TLN2: variants seen among roughly 807,000 people sequenced by gnomAD.
TLN2 encodes the protein talin-2.
TLN2 carries 118 observed loss-of-function variants against 294.7 expected under a neutral mutation model. The observed-to-expected ratio is 0.40, with a 90% CI of 0.34 to 0.47. The LOEUF (loss-of-function observed/expected upper bound fraction) is 0.47, where lower values mean the gene tolerates loss of function less well. Ranked by LOEUF, TLN2 falls within the 20% of genes least tolerant of loss-of-function variation. The pLI, the probability that TLN2 is intolerant of heterozygous loss-of-function variation, is 0.84. For synonymous variants in TLN2, 1,431 were observed against 1,304.5 expected (o/e 1.10, Z -2.09); for missense variants, 3,083 against 3,282.2 (o/e 0.94, Z 1.48).
At chr15:62,521,671 T>A (rs1268534767) in intron 1 of TLN2, among the ~76,000 whole-genome samples, 4 of 152,094 alleles carry the variant, frequency 2.6e-5, no homozygotes, top group African/African-American at 9.7e-5. Context: ...ATGGTAAAGA[T>A]CTCTTTTCTG....
At position 62,717,677 on chromosome 15, in the gene TLN2, C is replaced by A; in HGVS notation, c.2865C>A (p.Val955=). The change falls in exon 24 of 59, where the codon GTC becomes GTA. Residue 955 remains valine (V), a synonymous_variant. Transcript: ENST00000636159. ...NKNPAAQQQL[V]QSCKAVADHI... Reference sequence around the variant, plus strand: ...ACCCTGCGGCCCAGCAGCAGCTGGTCCAGAGTTGCAAGGTGAGGTTCCAGT... The same window carrying A: ...ACCCTGCGGCCCAGCAGCAGCTGGTACAGAGTTGCAAGGTGAGGTTCCAGT... 1.9e-6 allele frequency: 3 copies of A among 1,588,050 alleles called. No homozygotes were observed. In the South Asian group the frequency reaches 3.5e-5, roughly 18 times the overall value.
rs544299687 is a variant in TLN2, at chr15:62,752,381, G to T, written c.4286G>T (p.Gly1429Val). 3.7e-6 allele frequency: 6 copies of T among 1,614,148 alleles called. No homozygotes were observed. The East Asian group carries it at 1.3e-4, about 36-fold the overall frequency. ...CTCCCTGCCTTTGGGGAATGTGTGG[G>T]GATTGCATCCAAGGCTCTCTGTGGG... ...GDLPAFGECV[G>V]IASKALCGLT... The change falls in exon 35 of 59, where the codon GGG becomes GTG. Residue 1429 changes from glycine (G) to valine (V), a missense_variant. Physicochemically the swap from Gly to Val is moderately radical, Grantham distance 109. Coordinates refer to ENST00000636159, the MANE Select transcript of TLN2 (RefSeq NM_015059.3).
At chr15:62,690,970 T>C (rs2057833258) in intron 12 of TLN2, among the ~76,000 whole-genome samples, 1 of 145,884 alleles carries the variant, frequency 6.9e-6, no homozygotes, top group African/African-American at 2.5e-5. Context: ...AGCAGTACAG[T>C]CCAGCTTCGG....
At position 62,757,513 on chromosome 15, in the gene TLN2, CGA is replaced by C. The variant is rs1163665273; in HGVS notation, c.4638+1821_4638+1822del. ...ACAGGAAAGACACTCTTTATTCTGT[CGA>C]AATTTCTGGAGCCCTTTCTTGTCTG... On this transcript the variant is annotated intron_variant, in intron 37 of 58. Coordinates refer to ENST00000636159, the MANE Select transcript of TLN2 (RefSeq NM_015059.3). Among the ~76,000 whole-genome samples, 3 of 152,284 alleles carry C rather than the reference CGA, an allele frequency of 2.0e-5. No homozygotes were observed. The East Asian group carries it at 5.8e-4, about 29-fold the overall frequency.
chr15:62,551,002 C>T (rs2042264731), intron 1 of TLN2, among the ~76,000 whole-genome samples: 2 of 152,056 alleles, frequency 1.3e-5, no homozygotes, highest in African/African-American at 4.8e-5. Context: ...GCTTGTTTTC[C>T]TGAAACTAGA....
At chr15:62,534,539 T>C (rs1189235212) in intron 1 of TLN2, among the ~76,000 whole-genome samples, 2 of 152,192 alleles carry the variant, frequency 1.3e-5, no homozygotes, top group Non-Finnish European at 2.9e-5. Flanking sequence ...TGTGTTCAAC[T>C]ATCTGGAAGC....
At chr15:62,780,502 AC>A (rs1292502033) in intron 43 of TLN2, among the ~76,000 whole-genome samples, 4 of 152,098 alleles carry the variant, frequency 2.6e-5, no homozygotes, top group Non-Finnish European at 4.4e-5. Flanking sequence ...AATCTCCTAC[AC>A]CAATATGTCC....
At chr15:62,665,073 G>T (rs1480728769) in intron 9 of TLN2, among the ~76,000 whole-genome samples, 4 of 151,568 alleles carry the variant, frequency 2.6e-5, no homozygotes, top group South Asian at 2.1e-4. Context: ...AACTATTTTT[G>T]TTGTTGTTGT....
chr15:62,717,200 C>G (rs918458996), intron 23 of TLN2, among the ~76,000 whole-genome samples: 1 of 152,166 alleles, frequency 6.6e-6, no homozygotes, highest in Non-Finnish European at 1.5e-5. Context: ...GTCATGGGCA[C>G]CAGCATTTGT....
chr15:62,505,465 T>C (rs1373510704), intron 1 of TLN2, among the ~76,000 whole-genome samples: 1 of 152,194 alleles, frequency 6.6e-6, no homozygotes, highest in Non-Finnish European at 1.5e-5. Context: ...AAGGAATCCT[T>C]CTATTTAGCC....
At chr15:62,399,596 A>G (rs1375257648) in intron 1 of TLN2, among the ~76,000 whole-genome samples, 1 of 152,240 alleles carries the variant, frequency 6.6e-6, no homozygotes, top group Non-Finnish European at 1.5e-5. Flanking sequence ...GGTCATGGGA[A>G]CCCACCTCTT....
chr15:62,705,993 A>G (rs1315960068), intron 19 of TLN2, among the ~76,000 whole-genome samples: 3 of 152,232 alleles, frequency 2.0e-5, no homozygotes, highest in Admixed American at 1.3e-4. Context: ...TCTTTGTTCT[A>G]TGTAAAATTG....
intron 1 of TLN2, among the ~76,000 whole-genome samples, chr15:62,582,259 A>T (rs758184178): frequency 1.7e-5 from 1 of 59,472 alleles, no homozygotes; most frequent in Non-Finnish European, 3.9e-5. Context: ...TTCATGCCTG[A>T]CCCATTCCTG....
chr15:62,432,423 A>C (rs886919446), intron 1 of TLN2, among the ~76,000 whole-genome samples: 42 of 151,616 alleles, frequency 2.8e-4, no homozygotes, highest in African/African-American at 1.0e-3. Context: ...GAGCAAATCC[A>C]CTCCTGCAAG....
Position 62,766,420 on chromosome 15 carries a change from A to G in TLN2, c.5194A>G (p.Lys1732Glu). The change falls in exon 41 of 59, where the codon AAG becomes GAG. Residue 1732 changes from lysine to glutamate, a missense_variant and splice_region_variant. By Grantham distance (56) the Lys-to-Glu change is moderately conservative (BLOSUM62 1). Transcript: ENST00000636159. The stretch of plus-strand genomic sequence containing the variant: ...GGGAGAAGCAGCTCAGCTGGGACAT[A>G]AGGTAATGCACACCGAGGGGATCCT... ...ARGEAAQLGH[K>E]VTQLASYFEP... 1 of 1,607,300 alleles carries G rather than the reference A, an allele frequency of 6.2e-7. No individual in the cohort carries two copies. Among genetic ancestry groups the G allele is most frequent in the Non-Finnish European group, 8.5e-7 (1 of 1,174,332 alleles).
chr15:62,513,784 G>A (rs987037957), intron 1 of TLN2, among the ~76,000 whole-genome samples: 1 of 152,166 alleles, frequency 6.6e-6, no homozygotes, highest in Non-Finnish European at 1.5e-5. Flanking sequence ...CACAAAATTG[G>A]TGCTAAATAA....
intron 1 of TLN2, among the ~76,000 whole-genome samples, chr15:62,429,772 G>C (rs150963126): frequency 6.6e-6 from 1 of 152,272 alleles, no homozygotes; most frequent in African/African-American, 2.4e-5. Flanking sequence ...AAACTTTCTA[G>C]AAGCAAACAT....
intron 2 of TLN2, among the ~76,000 whole-genome samples, chr15:62,596,898 T>C (rs1363172838): frequency 6.6e-6 from 1 of 152,174 alleles, no homozygotes; most frequent in Admixed American, 6.5e-5. Flanking sequence ...CTACTTTTTT[T>C]CCTGTAGATT....
chr15:62,577,485 A>G (rs1205390607), intron 1 of TLN2, among the ~76,000 whole-genome samples: 1 of 152,108 alleles, frequency 6.6e-6, no homozygotes, highest in Non-Finnish European at 1.5e-5. Context: ...AAAAACACAA[A>G]CAAAAGAACT....
Sources: gnomAD v4.1 joint callset for allele counts (sites outside exome capture counted in the v4.1 genomes callset) on GRCh38, gnomAD v4.1.1 for gene constraint, MANE v1.5 for transcripts, NCBI Gene and HGNC (gene_info 2026-07-23, HGNC 2026-07-21) for gene names.